The following CABIN1 variants were observed in gnomAD, a reference collection of about 807,000 sequenced individuals.
CABIN1 encodes the protein calcineurin binding protein 1.
CABIN1 carries 133 observed loss-of-function variants against 227.7 expected under a neutral mutation model. The ratio of observed to expected loss-of-function variants is 0.58; its 90% confidence interval spans 0.51 to 0.67. The LOEUF (loss-of-function observed/expected upper bound fraction) is 0.67, where lower values mean the gene tolerates loss of function less well. CABIN1 is among the 30% of genes least tolerant of loss of function. CABIN1 has a pLI of 0.00. For missense variants in CABIN1, 2,408 were observed against 2,852.5 expected, an observed-to-expected ratio of 0.84 and a Z score of 3.55; for synonymous variants, 1,086 against 1,155.1, an observed-to-expected ratio of 0.94 and a Z score of 1.21.
At chr22:24,096,180 G>C in intron 25 of CABIN1, 98 bp downstream of exon 25, 3 of 1,349,746 alleles carry the variant, frequency 2.2e-6, no homozygotes, top group Non-Finnish European at 3.2e-6. Flanking sequence ...TTGCTACACA[G>C]TAAACAGTAA....
intron 19 of CABIN1, among the ~76,000 whole-genome samples, chr22:24,078,986 T>C (rs1222660725): frequency 6.6e-6 from 1 of 152,212 alleles, no homozygotes; most frequent in Non-Finnish European, 1.5e-5. Context: ...CAGCTTGCTT[T>C]TATTTTAGTA....
At chr22:24,073,175 G>A (rs1335422157) in intron 18 of CABIN1, among the ~76,000 whole-genome samples, 2 of 152,078 alleles carry the variant, frequency 1.3e-5, no homozygotes, top group Non-Finnish European at 2.9e-5. Flanking sequence ...GTGCTGGATT[G>A]AAGAAACGAC....
chr22:24,042,817 A>AGTGTGTGTGTGTGTGTGTGTGT (rs1601747692), intron 5 of CABIN1, 87 bp from the exon 6 acceptor site: 2 of 577,624 alleles, frequency 3.5e-6, no homozygotes, highest in African/African-American at 1.1e-4. Flanking sequence ...GAGAGATCTG[A>AGTGTGTGTGTGTGTGTGTGTGT]CTGTGTGTGT....
chr22:24,079,197 C>G (rs2040644566), intron 19 of CABIN1, among the ~76,000 whole-genome samples: 1 of 152,084 alleles, frequency 6.6e-6, no homozygotes, highest in Non-Finnish European at 1.5e-5. Context: ...ATGTCCACTC[C>G]CCCACCTACC....
intron 4 of CABIN1, 129 bp from the exon 5 acceptor site, chr22:24,041,010 C>A: frequency 9.2e-7 from 1 of 1,089,860 alleles, no homozygotes; most frequent in Non-Finnish European, 1.4e-6. Flanking sequence ...CCTTCATTTT[C>A]CAGTGGTGGA....
chr22:24,138,229 C>CAACACA (rs2044536461), intron 29 of CABIN1, among the ~76,000 whole-genome samples: 1 of 152,174 alleles, frequency 6.6e-6, no homozygotes, highest in Non-Finnish European at 1.5e-5. Context: ...ACACAGCAGT[C>CAACACA]AACACAAACA....
chr22:24,122,522 A>G (rs1242806459), intron 28 of CABIN1, among the ~76,000 whole-genome samples: 1 of 152,196 alleles, frequency 6.6e-6, no homozygotes, highest in Non-Finnish European at 1.5e-5. Context: ...ACCTTGGCCA[A>G]CATGGCGAAA....
intron 6 of CABIN1, among the ~76,000 whole-genome samples, chr22:24,045,181 C>T (rs1232845829): frequency 1.3e-5 from 2 of 152,238 alleles, no homozygotes; most frequent in Non-Finnish European, 2.9e-5. Flanking sequence ...GCCTTGGCCT[C>T]CCAAAGTGCT....
chr22:24,094,795 G>A (rs1258134554), intron 24 of CABIN1, among the ~76,000 whole-genome samples: 3 of 143,660 alleles, frequency 2.1e-5, no homozygotes, highest in African/African-American at 7.7e-5. Context: ...CCGCAGTCCG[G>A]CCTGGGCGAC....
chr22:24,014,816 C>T (rs1184035756), intron 1 of CABIN1, among the ~76,000 whole-genome samples: 2 of 152,148 alleles, frequency 1.3e-5, no homozygotes, highest in African/African-American at 4.8e-5. Flanking sequence ...TCACCGCTTT[C>T]CCACCTACCC....
intron 26 of CABIN1, among the ~76,000 whole-genome samples, chr22:24,104,514 G>T (rs1041432742): frequency 1.3e-5 from 2 of 152,184 alleles, no homozygotes; most frequent in African/African-American, 4.8e-5. Context: ...TGCTCAGTTG[G>T]CCCTCACCTG....
At chr22:24,163,669 C>T (rs1248622254) in intron 29 of CABIN1, among the ~76,000 whole-genome samples, 1 of 152,194 alleles carries the variant, frequency 6.6e-6, no homozygotes, top group Non-Finnish European at 1.5e-5. Context: ...CCCTGCTTTC[C>T]CCACACCCTG....
intron 28 of CABIN1, among the ~76,000 whole-genome samples, chr22:24,125,740 A>T (rs770635502): frequency 2.0e-5 from 3 of 152,216 alleles, no homozygotes; most frequent in Non-Finnish European, 2.9e-5. Context: ...CCTCACATGG[A>T]TGTCCTAGGC....
At position 24,177,582 on chromosome 22, in the gene CABIN1, C is replaced by A. The variant is rs2047186749; in HGVS notation, c.6284C>A (p.Pro2095His). ...AGTGAGACTCAGCCCCTGAGCTCTC[C>A]CCCAACAGCTGCCAGCTCCAAGGCC... ...AASETQPLSSPPTAASSKAPS... is the reference protein window; with the variant it reads ...AASETQPLSSHPTAASSKAPS... The change falls in exon 36 of 37, where the codon CCC becomes CAC. Residue 2095 changes from proline to histidine, a missense_variant. Coordinates refer to ENST00000263119, the MANE Select transcript of CABIN1 (RefSeq NM_012295.4). The surrounding 1 kb of genome is among the most constrained non-coding windows in gnomAD (Gnocchi z 4.4). The A allele has an allele frequency of 6.2e-7, 1 of 1,607,014 alleles. No individual in the cohort carries two copies. The highest frequency in any genetic ancestry group is 1.1e-5 in the South Asian group (1 of 90,642).
chr22:24,096,489 A>T (rs1308923093), intron 25 of CABIN1, among the ~76,000 whole-genome samples: 5 of 152,122 alleles, frequency 3.3e-5, no homozygotes, highest in African/African-American at 9.7e-5. Context: ...CCTGAGAAGC[A>T]GTGGGAAGTG....
chr22:24,065,690 C>G (rs1015980225), intron 15 of CABIN1, among the ~76,000 whole-genome samples: 1 of 152,384 alleles, frequency 6.6e-6, no homozygotes, highest in African/African-American at 2.4e-5. Context: ...CGAGATCACG[C>G]CATTGCACTC....
intron 1 of CABIN1, among the ~76,000 whole-genome samples, chr22:24,023,670 A>G (rs2035880825): frequency 6.6e-6 from 1 of 151,882 alleles, no homozygotes; most frequent in South Asian, 2.1e-4. Flanking sequence ...CCTGATAAGC[A>G]TCTTATGCAC....
intron 27 of CABIN1, among the ~76,000 whole-genome samples, chr22:24,118,412 C>T (rs971298999): frequency 6.6e-6 from 1 of 152,140 alleles, no homozygotes; most frequent in African/African-American, 2.4e-5. Flanking sequence ...AACTGGGGGC[C>T]TTGGTTGTTG....
intron 26 of CABIN1, among the ~76,000 whole-genome samples, chr22:24,100,838 G>C (rs1292890011): frequency 1.3e-5 from 2 of 152,206 alleles, no homozygotes; most frequent in African/African-American, 4.8e-5. Context: ...CTGTTGAATG[G>C]GGTAATGTCT....
Sources: gnomAD v4.1 joint callset for allele counts (sites outside exome capture counted in the v4.1 genomes callset) on GRCh38, gnomAD v4.1.1 for gene constraint, Gnocchi (gnomAD v3.1) non-coding constraint, MANE v1.5 for transcripts, NCBI Gene and HGNC (gene_info 2026-07-23, HGNC 2026-07-21) for gene names.